GALK2: variants seen among roughly 807,000 people sequenced by gnomAD.
GALK2 encodes galactokinase 2.
Under a neutral mutation model 52.4 loss-of-function variants are expected in GALK2, and 36 were observed. That is an observed-to-expected ratio of 0.69 (90% CI 0.53 to 0.91). The LOEUF is 0.91. GALK2 is among the 40% of genes least tolerant of loss of function. The pLI is 0.00. For synonymous variants in GALK2, 176 were observed against 199.1 expected (o/e 0.88, Z 0.98); for missense variants, 579 against 559.1 (o/e 1.04, Z -0.36).
At chr15:49,223,886 A>G (rs777570073) in intron 3 of GALK2, among the ~76,000 whole-genome samples, 7 of 148,650 alleles carry the variant, frequency 4.7e-5, no homozygotes, top group Non-Finnish European at 7.5e-5. Context: ...AGAATAATTT[A>G]TTTTCCTATG....
intron 1 of GALK2, among the ~76,000 whole-genome samples, chr15:49,190,512 T>A (rs2141257242): frequency 6.6e-6 from 1 of 152,356 alleles, no homozygotes. Flanking sequence ...CTTTAACATA[T>A]GTTCATTTTA....
intron 8 of GALK2, among the ~76,000 whole-genome samples, chr15:49,293,521 C>T (rs984004719): frequency 2.0e-5 from 3 of 152,200 alleles, no homozygotes; most frequent in Non-Finnish European, 2.9e-5. Flanking sequence ...TGCCTTTGCA[C>T]TATAAGAGTT....
At chr15:49,172,671 T>TA (rs1214219233) in intron 1 of GALK2, among the ~76,000 whole-genome samples, 1 of 152,190 alleles carries the variant, frequency 6.6e-6, no homozygotes, top group Non-Finnish European at 1.5e-5. Context: ...TACATTTTAG[T>TA]AAAACTTAAT....
chr15:49,174,082 C>A (rs1392314284), intron 1 of GALK2, among the ~76,000 whole-genome samples: 2 of 151,998 alleles, frequency 1.3e-5, no homozygotes, highest in Non-Finnish European at 2.9e-5. Context: ...GTATGAATAC[C>A]ATTATTTAAC....
chr15:49,360,920 A>T (rs1480060383), intron 3 of GALK2, among the ~76,000 whole-genome samples: 2 of 152,038 alleles, frequency 1.3e-5, no homozygotes, highest in African/African-American at 4.8e-5. Context: ...CCTCCAGTCT[A>T]CTCAGTGTTT....
At chr15:49,319,559 C>A in intron 8 of GALK2, 45 bp from the exon 9 acceptor site, 1 of 1,537,456 alleles carries the variant, frequency 6.5e-7, no homozygotes, top group Non-Finnish European at 9.0e-7. Flanking sequence ...CTGGGTTGTC[C>A]AGTAACTATT....
At chr15:49,186,013 T>C (rs2086312598) in intron 1 of GALK2, among the ~76,000 whole-genome samples, 1 of 152,182 alleles carries the variant, frequency 6.6e-6, no homozygotes, top group African/African-American at 2.4e-5. Flanking sequence ...GTTTCTCTTC[T>C]CTTCCTGCTT....
Position 49,319,634 on chromosome 15 carries a change from A to C in GALK2, c.998A>C (p.Lys333Thr). The change falls in exon 9 of 10, where the codon AAG becomes ACG. Residue 333 changes from lysine (K) to threonine (T), a missense_variant. Lys to Thr is a moderately conservative substitution (Grantham distance 78). Coordinates refer to ENST00000560031, the MANE Select transcript of GALK2 (RefSeq NM_002044.4). Reference sequence around the variant, plus strand: ...ATCTTCAAACTCTATCAGCGGGCAAAGCATGTGTACAGCGAGGCTGCGCGA... The same window carrying C: ...ATCTTCAAACTCTATCAGCGGGCAACGCATGTGTACAGCGAGGCTGCGCGA... ...VLIFKLYQRA[K>T]HVYSEAARVL... 1.9e-6 allele frequency: 3 copies of C among 1,614,132 alleles called. No homozygotes were observed. The highest frequency in any genetic ancestry group is 2.5e-6 in the Non-Finnish European group (3 of 1,180,028).
chr15:49,263,170 G>A (rs1402404539), intron 5 of GALK2, among the ~76,000 whole-genome samples: 1 of 70,608 alleles, frequency 1.4e-5, no homozygotes, highest in Non-Finnish European at 2.8e-5. Context: ...ACAGTGGGGT[G>A]TTAAAGTCTC....
chr15:49,188,505 A>G (rs184605999), intron 1 of GALK2, among the ~76,000 whole-genome samples: 2 of 152,334 alleles, frequency 1.3e-5, no homozygotes, highest in East Asian at 1.9e-4. Context: ...GCTGGGGGTT[A>G]AGAGAGTGGT....
At chr15:49,344,129 T>C (rs910046593) in intron 3 of GALK2, 6 of 152,208 alleles carry the variant, frequency 3.9e-5, no homozygotes, top group Non-Finnish European at 7.3e-5. Context: ...AAATCTCATA[T>C]TGATGAATGT....
chr15:49,318,421 T>C (rs1024898168), intron 8 of GALK2, among the ~76,000 whole-genome samples: 1 of 152,166 alleles, frequency 6.6e-6, no homozygotes, highest in Non-Finnish European at 1.5e-5. Context: ...TATACATAAA[T>C]ATGTGTATGC....
rs199727284 is a variant in GALK2, at chr15:49,283,714, C to G, written c.752C>G (p.Ala251Gly). 4.3e-5 allele frequency: 70 copies of G among 1,613,468 alleles called. No homozygotes were observed. Among genetic ancestry groups the G allele is most frequent in the Non-Finnish European group, 5.6e-5 (66 of 1,179,768 alleles). Reference sequence around the variant, plus strand: ...AGGGTGATGGAGTGTCGGCTGGCTGCGAAGGTATGAACTTGGCAGGCTAGT... The same window carrying G: ...AGGGTGATGGAGTGTCGGCTGGCTGGGAAGGTATGAACTTGGCAGGCTAGT... ...NIRVMECRLA[A>G]KLLAKYKSLQ... The change falls in exon 7 of 10, where the codon GCG (alanine) becomes GGG (glycine). Residue 251 changes from alanine to glycine, a missense_variant. Ala to Gly is a moderately conservative substitution (Grantham distance 60). Coordinates refer to ENST00000560031, the MANE Select transcript of GALK2 (RefSeq NM_002044.4).
intron 1 of GALK2, chr15:49,178,599 C>CT (rs1370966473): frequency 3.9e-5 from 9 of 228,890 alleles, no homozygotes; most frequent in Admixed American, 1.4e-4. Flanking sequence ...TGTCGGTGCA[C>CT]TTTTTTGGGC....
At chr15:49,338,242 T>C (rs2040100463) in intron 3 of GALK2, among the ~76,000 whole-genome samples, 1 of 152,214 alleles carries the variant, frequency 6.6e-6, no homozygotes, top group South Asian at 2.1e-4. Flanking sequence ...CTTTACAATT[T>C]GGTATGTTTT....
intron 3 of GALK2, among the ~76,000 whole-genome samples, chr15:49,350,416 A>G (rs2042075259): frequency 6.6e-6 from 1 of 152,194 alleles, no homozygotes; most frequent in Non-Finnish European, 1.5e-5. Context: ...GCTCTAAATA[A>G]TCTATATTGC....
chr15:49,250,132 AATG>A (rs1330637950), intron 5 of GALK2, among the ~76,000 whole-genome samples: 1 of 152,122 alleles, frequency 6.6e-6, no homozygotes, highest in East Asian at 1.9e-4. Flanking sequence ...AGAAAGTAAA[AATG>A]GCCTTGCTGA....
chr15:49,346,160 C>T (rs900762398), intron 3 of GALK2, among the ~76,000 whole-genome samples: 1 of 151,608 alleles, frequency 6.6e-6, no homozygotes, highest in Non-Finnish European at 1.5e-5. Flanking sequence ...ACCAAAACAA[C>T]ACTTCCGTTG....
chr15:49,189,262 A>C (rs1339339324), intron 1 of GALK2, among the ~76,000 whole-genome samples: 2 of 152,186 alleles, frequency 1.3e-5, no homozygotes, highest in African/African-American at 4.8e-5. Flanking sequence ...GTATTTCCTA[A>C]ACACAAGGAC....
Sources: allele counts gnomAD v4.1 joint callset (sites outside exome capture counted in the v4.1 genomes callset), GRCh38; gene constraint gnomAD v4.1.1; transcripts MANE v1.5; gene names NCBI Gene and HGNC (gene_info 2026-07-23, HGNC 2026-07-21).